The following USP25 variants were observed in gnomAD, a reference collection of about 807,000 sequenced individuals.
The protein encoded by USP25 is ubiquitin specific peptidase 25, also known as ubiquitin carboxyl-terminal hydrolase 25.
USP25 carries 85 observed loss-of-function variants against 158.5 expected under a neutral mutation model. The observed-to-expected ratio is 0.54, with a 90% CI of 0.45 to 0.64. The LOEUF is 0.64. Ranked by LOEUF, USP25 falls within the 30% of genes least tolerant of loss-of-function variation. USP25 has a pLI of 0.00. For synonymous variants in USP25, 464 were observed against 460.4 expected (o/e 1.01, Z -0.10); for missense variants, 1,242 against 1,327.3 (o/e 0.94, Z 1.00).
rs1369289388 is a variant in USP25, at chr21:15,824,100, A to G, written c.1142A>G (p.Gln381Arg). 3.1e-6 allele frequency: 5 copies of G among 1,613,420 alleles called. No individual in the cohort carries two copies. The highest frequency in any genetic ancestry group is 4.2e-6 in the Non-Finnish European group (5 of 1,179,710). Residue 381 changes from glutamine (Q) to arginine (R), a missense_variant, in exon 11 of 26, where the codon CAG (glutamine) becomes CGG (arginine). Gln to Arg is a conservative substitution (Grantham distance 43, BLOSUM62 1). Transcript: ENST00000400183. The part of the protein sequence containing the change: ...TFELSRFEFN[Q>R]ALGRPEKIHN... ...GAATTGTCAAGATTTGAATTTAATC[A>G]GGCATTGGGAAGACCAGAAAAAATT...
intron 9 of USP25, among the ~76,000 whole-genome samples, chr21:15,818,010 A>G (rs868391782): frequency 6.6e-6 from 1 of 152,312 alleles, no homozygotes; most frequent in South Asian, 2.1e-4. Flanking sequence ...TGGTTCCCCA[A>G]GCTACACTAA....
Position 15,830,559 on chromosome 21 carries a change from T to A in USP25, c.1722T>A (p.His574Gln). ...RDLQESISRIHRTIELMYSDK... is the reference protein window; with the variant it reads ...RDLQESISRIQRTIELMYSDK... Reference sequence around the variant, plus strand: ...TGCAGGAAAGCATATCCAGAATCCATCGAACAATTGAATTAATGTACTCTG... The same window carrying A: ...TGCAGGAAAGCATATCCAGAATCCAACGAACAATTGAATTAATGTACTCTG... The change falls in exon 15 of 26, where the codon CAT (histidine) becomes CAA (glutamine). Residue 574 changes from histidine (H) to glutamine (Q), a missense_variant. Physicochemically the swap from His to Gln is conservative, Grantham distance 24. Coordinates refer to ENST00000400183, the MANE Select transcript of USP25 (RefSeq NM_001283041.3). 6.2e-7 allele frequency: 1 copy of A among 1,605,460 alleles called. No individual in the cohort carries two copies. Among genetic ancestry groups the A allele is most frequent in the Non-Finnish European group, 8.5e-7 (1 of 1,176,274 alleles).
At chr21:15,841,257 C>T (rs539559851) in intron 17 of USP25, among the ~76,000 whole-genome samples, 4 of 151,998 alleles carry the variant, frequency 2.6e-5, no homozygotes, top group Non-Finnish European at 5.9e-5. Flanking sequence ...ATTTTGTGTC[C>T]CCCTGTTGCT....
At chr21:15,832,391 CT>C (rs1226275286) in intron 16 of USP25, among the ~76,000 whole-genome samples, 3 of 152,074 alleles carry the variant, frequency 2.0e-5, no homozygotes, top group Non-Finnish European at 4.4e-5. Flanking sequence ...TAAAAATAAT[CT>C]TTTTATATTT....
At chr21:15,792,180 T>C (rs1169701558) in intron 5 of USP25, among the ~76,000 whole-genome samples, 1 of 151,736 alleles carries the variant, frequency 6.6e-6, no homozygotes, top group Non-Finnish European at 1.5e-5. Flanking sequence ...AAATCAAGAA[T>C]AACACATTGT....
chr21:15,731,612 A>T (rs1392129277), intron 1 of USP25, among the ~76,000 whole-genome samples: 10 of 152,218 alleles, frequency 6.6e-5, no homozygotes, highest in Non-Finnish European at 1.3e-4. Flanking sequence ...TCAAGTTTGG[A>T]AAGCAAGGAT....
chr21:15,877,904 C>T lies in USP25; in HGVS notation c.3118C>T (p.Leu1040=), dbSNP rs768411109. ...TATTGTCCCATTTTTGCCATTATTA[C>T]TGGTGGATGAAATGGAAGAAAAGGA... is the stretch of plus-strand genomic sequence containing the variant. ...EFIVPFLPLL[L]VDEMEEKDIL... is the part of the protein sequence containing the mutation. The change falls in exon 25 of 26, where the codon CTG becomes TTG. Residue 1040 remains leucine, a synonymous_variant. Coordinates refer to ENST00000400183, the MANE Select transcript of USP25 (RefSeq NM_001283041.3). 7.4e-6 allele frequency: 12 copies of T among 1,613,320 alleles called. No individual in the cohort carries two copies. Among genetic ancestry groups the T allele is most frequent in the Non-Finnish European group, 1.0e-5 (12 of 1,179,630 alleles).
intron 10 of USP25, among the ~76,000 whole-genome samples, chr21:15,822,103 A>G (rs1243010310): frequency 6.6e-6 from 1 of 151,942 alleles, no homozygotes; most frequent in Non-Finnish European, 1.5e-5. Context: ...GTAGACAAGT[A>G]GATATAGTTT....
intron 1 of USP25, among the ~76,000 whole-genome samples, chr21:15,737,085 C>T (rs2031593049): frequency 2.0e-5 from 3 of 152,068 alleles, no homozygotes; most frequent in Non-Finnish European, 2.9e-5. Flanking sequence ...TTTTCTTCCA[C>T]TCTTTTCCTC....
At chr21:15,855,538 A>G (rs1162323448) in intron 20 of USP25, among the ~76,000 whole-genome samples, 1 of 152,208 alleles carries the variant, frequency 6.6e-6, no homozygotes, top group Admixed American at 6.5e-5. Context: ...CGTTAATGCA[A>G]AAAATATACT....
At chr21:15,808,191 G>A (rs542656891) in intron 7 of USP25, among the ~76,000 whole-genome samples, 1 of 152,054 alleles carries the variant, frequency 6.6e-6, no homozygotes, top group Non-Finnish European at 1.5e-5. Flanking sequence ...TCCAACTCAC[G>A]TTATTGAAAG....
At chr21:15,756,239 G>A (rs2123354104) in intron 1 of USP25, among the ~76,000 whole-genome samples, 1 of 152,252 alleles carries the variant, frequency 6.6e-6, no homozygotes, top group Middle Eastern at 3.4e-3. Context: ...CCTTCTGGAT[G>A]AACGTCCCTC....
At chr21:15,865,210 G>C (rs1422131662) in intron 21 of USP25, among the ~76,000 whole-genome samples, 1 of 152,080 alleles carries the variant, frequency 6.6e-6, no homozygotes, top group Non-Finnish European at 1.5e-5. Context: ...TAGAATGAGT[G>C]ACACTAGAAA....
intron 20 of USP25, among the ~76,000 whole-genome samples, chr21:15,850,509 A>T (rs1169559061): frequency 6.6e-6 from 1 of 150,688 alleles, no homozygotes. Flanking sequence ...TGAAAATACC[A>T]TGTATGTTTT....
intron 1 of USP25, among the ~76,000 whole-genome samples, chr21:15,737,736 T>C (rs760212470): frequency 1.3e-5 from 2 of 152,158 alleles, no homozygotes; most frequent in African/African-American, 2.4e-5. Context: ...GTTTTGTATA[T>C]GGTGCGAGGT....
chr21:15,730,477 T>C, intron 1 of USP25, 39 bp downstream of exon 1: 1 of 1,326,054 alleles, frequency 7.5e-7, no homozygotes, highest in Non-Finnish European at 9.7e-7. Flanking sequence ...CCACTTCTCC[T>C]TCCGACGGGC....
chr21:15,818,867 G>A, intron 10 of USP25, 21 bp downstream of exon 10: 1 of 1,612,004 alleles, frequency 6.2e-7, no homozygotes, highest in Non-Finnish European at 8.5e-7. Flanking sequence ...CATTTTCATT[G>A]TCCCCTTTCT....
intron 1 of USP25, among the ~76,000 whole-genome samples, chr21:15,746,739 A>C (rs1309604342): frequency 2.0e-5 from 3 of 152,156 alleles, no homozygotes; most frequent in African/African-American, 4.8e-5. Flanking sequence ...GCTGGTATAT[A>C]GAATGTGGTT....
chr21:15,777,522 G>A (rs1376876679), intron 3 of USP25, among the ~76,000 whole-genome samples: 13 of 152,108 alleles, frequency 8.5e-5, no homozygotes, highest in Non-Finnish European at 7.4e-5. Context: ...AATTTAATAC[G>A]TATGTAATCG....
Sources: allele counts gnomAD v4.1 joint callset (sites outside exome capture counted in the v4.1 genomes callset), GRCh38; gene constraint gnomAD v4.1.1; transcripts MANE v1.5; gene names NCBI Gene and HGNC (gene_info 2026-07-23, HGNC 2026-07-21).